Variants in EYA3 observed in about 807,000 individuals in gnomAD.
The protein encoded by EYA3 is EYA transcriptional coactivator and phosphatase 3, also known as protein phosphatase EYA3.
EYA3 carries 39 observed loss-of-function variants against 80.0 expected under a neutral mutation model. The observed-to-expected ratio is 0.49, with a 90% CI of 0.38 to 0.64. The LOEUF (loss-of-function observed/expected upper bound fraction) is 0.64. EYA3 is among the 30% of genes least tolerant of loss of function. The pLI is 0.00. For missense variants in EYA3, 523 were observed against 676.1 expected (o/e 0.77, Z 2.51); for synonymous variants, 206 against 232.8 (o/e 0.88, Z 1.05).
intron 1 of EYA3, among the ~76,000 whole-genome samples, chr1:28,077,638 GAAA>G (rs200519790): frequency 6.7e-6 from 1 of 148,310 alleles, no homozygotes; most frequent in Non-Finnish European, 1.5e-5. Context: ...CAAGTGACAT[GAAA>G]AAAAAACAAG....
intron 7 of EYA3, among the ~76,000 whole-genome samples, chr1:28,017,467 T>C (rs1642148720): frequency 6.6e-6 from 1 of 152,216 alleles, no homozygotes; most frequent in South Asian, 2.1e-4. Flanking sequence ...TCAATTCTTC[T>C]TATTAAAGGC....
At chr1:28,003,100 C>CAAAAAAAA (rs1181469791) in intron 11 of EYA3, among the ~76,000 whole-genome samples, 1 of 61,334 alleles carries the variant, frequency 1.6e-5, no homozygotes. Context: ...ACTAAAAATA[C>CAAAAAAAA]AAAAAAAAAA....
At chr1:28,082,005 AAAAGT>A (rs1645446981) in intron 1 of EYA3, among the ~76,000 whole-genome samples, 1 of 152,178 alleles carries the variant, frequency 6.6e-6, no homozygotes, top group South Asian at 2.1e-4. Flanking sequence ...ATGTTTAACT[AAAAGT>A]AAAGAACATT....
At chr1:28,002,042 A>G (rs1266184073) in intron 11 of EYA3, among the ~76,000 whole-genome samples, 1 of 151,938 alleles carries the variant, frequency 6.6e-6, no homozygotes, top group East Asian at 1.9e-4. Flanking sequence ...CATCCTCTCT[A>G]GTAGCTGGAA....
chr1:28,040,400 A>G (rs1643707862), intron 4 of EYA3, among the ~76,000 whole-genome samples: 1 of 152,230 alleles, frequency 6.6e-6, no homozygotes, highest in African/African-American at 2.4e-5. Flanking sequence ...TTTTCCTTCC[A>G]GTAAAGATGT....
intron 9 of EYA3, 57 bp from the exon 10 acceptor site, chr1:28,011,143 G>A (rs1448979200): frequency 1.3e-6 from 2 of 1,568,746 alleles, no homozygotes; most frequent in Non-Finnish European, 1.7e-6. Context: ...AAGAATCAGG[G>A]CAGGAAGAGG....
chr1:28,087,446 T>C (rs1645696664), intron 1 of EYA3, among the ~76,000 whole-genome samples: 1 of 152,092 alleles, frequency 6.6e-6, no homozygotes, highest in African/African-American at 2.4e-5. Context: ...GGAAGACAAA[T>C]AGAAAACTTA....
At chr1:28,084,581 ATATATATATATATATTTTTTTTTTTTTTT>A (rs1361471365) in intron 1 of EYA3, among the ~76,000 whole-genome samples, 2 of 15,116 alleles carry the variant, frequency 1.3e-4, no homozygotes, top group African/African-American at 4.9e-4. Context: ...ATATATATAT[ATATATATATATATATTTTTTTTTTTTTTT>A]TTTTTTTTTT....
chr1:28,062,857 T>G (rs1276770031), intron 1 of EYA3, among the ~76,000 whole-genome samples: 1 of 151,710 alleles, frequency 6.6e-6, no homozygotes, highest in Non-Finnish European at 1.5e-5. Flanking sequence ...AAAAAATTAA[T>G]CTGGCGTGGT....
At chr1:28,083,245 G>T (rs192811372) in intron 1 of EYA3, among the ~76,000 whole-genome samples, 1 of 152,282 alleles carries the variant, frequency 6.6e-6, no homozygotes, top group African/African-American at 2.4e-5. Flanking sequence ...CCCTTGGCTG[G>T]GCACGGTGGC....
At chr1:28,070,377 T>C (rs1041208676) in intron 1 of EYA3, among the ~76,000 whole-genome samples, 4 of 151,972 alleles carry the variant, frequency 2.6e-5, no homozygotes, top group Admixed American at 6.6e-5. Flanking sequence ...CTGGCCAACA[T>C]GGTGAAACCC....
intron 14 of EYA3, 49 bp downstream of exon 14, chr1:27,993,351 G>A (rs778996876): frequency 6.3e-7 from 1 of 1,574,914 alleles, no homozygotes; most frequent in East Asian, 2.3e-5. Flanking sequence ...AAGAAAAGGA[G>A]GAAACCAGGA....
intron 7 of EYA3, 74 bp from the exon 8 acceptor site, chr1:28,017,313 T>C (rs1473825754): frequency 1.1e-5 from 12 of 1,116,416 alleles, no homozygotes; most frequent in Non-Finnish European, 1.6e-5. Context: ...AATAGATGTG[T>C]TTTAAGTGAA....
At chr1:27,999,060 C>T (rs569194361) in intron 12 of EYA3, among the ~76,000 whole-genome samples, 3 of 152,202 alleles carry the variant, frequency 2.0e-5, no homozygotes, top group Admixed American at 6.5e-5. Flanking sequence ...TGAGCCACCA[C>T]GCCCAGCCTA....
chr1:28,063,391 C>G (rs1254703383), intron 1 of EYA3, among the ~76,000 whole-genome samples: 4 of 115,600 alleles, frequency 3.5e-5, no homozygotes, highest in Non-Finnish European at 6.6e-5. Context: ...GCATCTTGCT[C>G]TGTCACCCAG....
At chr1:27,996,973 C>T (rs1476765939) in intron 13 of EYA3, among the ~76,000 whole-genome samples, 2 of 152,190 alleles carry the variant, frequency 1.3e-5, no homozygotes, top group African/African-American at 2.4e-5. Flanking sequence ...CCTCCTGCCT[C>T]GCGCTTCTAA....
chr1:28,012,313 C>T (rs1314550307), intron 9 of EYA3, among the ~76,000 whole-genome samples: 2 of 152,064 alleles, frequency 1.3e-5, no homozygotes, highest in Admixed American at 6.6e-5. Context: ...GACTTTAAAA[C>T]CTTAGTTTTT....
At chr1:28,014,856 T>A (rs955940733) in intron 8 of EYA3, among the ~76,000 whole-genome samples, 3 of 152,142 alleles carry the variant, frequency 2.0e-5, no homozygotes, top group African/African-American at 7.2e-5. Flanking sequence ...TACTCCCTAA[T>A]AAAGCTGTAA....
intron 16 of EYA3, among the ~76,000 whole-genome samples, chr1:27,984,994 G>T (rs946712131): frequency 3.3e-5 from 5 of 152,062 alleles, no homozygotes; most frequent in Admixed American, 2.0e-4. Flanking sequence ...TCCAATTAGG[G>T]TTTAATCCCG....
Sources: allele counts gnomAD v4.1 joint callset (sites outside exome capture counted in the v4.1 genomes callset), GRCh38; gene constraint gnomAD v4.1.1; transcripts MANE v1.5; gene names NCBI Gene and HGNC (gene_info 2026-07-23, HGNC 2026-07-21).